GPHN: variants seen among roughly 807,000 people sequenced by gnomAD.
GPHN encodes the protein gephyrin.
In GPHN, 17 loss-of-function variants were observed where a neutral mutation model predicts 95.5. The ratio of observed to expected loss-of-function variants is 0.18; its 90% confidence interval spans 0.12 to 0.27. GPHN has a LOEUF of 0.27. Ranked by LOEUF, GPHN falls within the 10% of genes least tolerant of loss-of-function variation. The pLI, the probability that GPHN is intolerant of heterozygous loss-of-function variation, is 1.00. For synonymous variants in GPHN, 320 were observed against 322.5 expected (o/e 0.99, Z 0.08); for missense variants, 660 against 978.1 (o/e 0.67, Z 4.34).
the GPHN span, chr14:67,208,504 G>C: frequency 2.2e-5 from 34 of 1,561,768 alleles, no homozygotes; most frequent in Non-Finnish European, 2.8e-5. Flanking sequence ...TATTAATAAA[G>C]AAATATGTGC....
At chr14:67,199,763 C>T in the GPHN span, 2 of 1,539,728 alleles carry the variant, frequency 1.3e-6, no homozygotes, top group Non-Finnish European at 1.8e-6. Flanking sequence ...GCTTCCTCCA[C>T]CAGGCATGCC....
intron 3 of GPHN, among the ~76,000 whole-genome samples, chr14:66,788,068 T>G (rs2153469001): frequency 6.6e-6 from 1 of 152,098 alleles, no homozygotes; most frequent in East Asian, 1.9e-4. Flanking sequence ...AGTGGCACAG[T>G]CCTGTAATCC....
At chr14:66,942,717 G>A (rs987026180) in intron 8 of GPHN, among the ~76,000 whole-genome samples, 10 of 152,110 alleles carry the variant, frequency 6.6e-5, no homozygotes, top group African/African-American at 1.7e-4. Flanking sequence ...ATTAAACACC[G>A]TTTGGCAATC....
intron 4 of GPHN, among the ~76,000 whole-genome samples, chr14:66,835,475 C>G (rs2061759812): frequency 6.6e-6 from 1 of 151,834 alleles, no homozygotes; most frequent in Non-Finnish European, 1.5e-5. Flanking sequence ...TATGACAAAC[C>G]CACAGCCAAT....
At chr14:67,332,281 A>G in the GPHN span, among the ~76,000 whole-genome samples, 1 of 152,208 alleles carries the variant, frequency 6.6e-6, no homozygotes, top group Non-Finnish European at 1.5e-5. Flanking sequence ...TACTCTATAT[A>G]GTTTCCCAAA....
At chr14:67,192,908 A>G in the GPHN span, among the ~76,000 whole-genome samples, 2 of 145,478 alleles carry the variant, frequency 1.4e-5, no homozygotes, top group Non-Finnish European at 3.0e-5. Flanking sequence ...ATCTAGATAT[A>G]TATAGATATA....
chr14:67,044,112 G>A (rs1594914648), intron 10 of GPHN, among the ~76,000 whole-genome samples: 1 of 151,974 alleles, frequency 6.6e-6, no homozygotes, highest in Admixed American at 6.6e-5. Context: ...TGAGGTGGGT[G>A]GATTACCTGA....
the GPHN span, among the ~76,000 whole-genome samples, chr14:67,706,625 G>A: frequency 6.6e-6 from 1 of 152,212 alleles, no homozygotes. Flanking sequence ...GAGGCAATCA[G>A]ATACGCATTT....
At chr14:67,367,791 G>A in the GPHN span, among the ~76,000 whole-genome samples, 1 of 151,562 alleles carries the variant, frequency 6.6e-6, no homozygotes, top group Non-Finnish European at 1.5e-5. Flanking sequence ...AGCCAAGATT[G>A]CACCGCTGCA....
chr14:66,851,310 T>C (rs1315140666), intron 4 of GPHN, among the ~76,000 whole-genome samples: 2 of 152,036 alleles, frequency 1.3e-5, no homozygotes, highest in Non-Finnish European at 2.9e-5. Context: ...AATCCTCAAG[T>C]GTAACTACAA....
the GPHN span, among the ~76,000 whole-genome samples, chr14:67,591,062 T>G: frequency 6.6e-6 from 1 of 152,120 alleles, no homozygotes; most frequent in South Asian, 2.1e-4. Flanking sequence ...GTGCACTACC[T>G]AAAATATATA....
chr14:66,948,057 G>T (rs2067865940), intron 8 of GPHN, among the ~76,000 whole-genome samples: 1 of 152,094 alleles, frequency 6.6e-6, no homozygotes, highest in Non-Finnish European at 1.5e-5. Context: ...TGATAATAGA[G>T]AATCATTTTT....
intron 17 of GPHN, among the ~76,000 whole-genome samples, chr14:67,131,069 G>A (rs2079671519): frequency 6.6e-6 from 1 of 152,120 alleles, no homozygotes; most frequent in Non-Finnish European, 1.5e-5. Flanking sequence ...AGCTACTGTA[G>A]GGGAAGAGTT....
intron 4 of GPHN, among the ~76,000 whole-genome samples, chr14:66,833,135 G>A (rs905462960): frequency 6.6e-6 from 1 of 152,124 alleles, no homozygotes; most frequent in African/African-American, 2.4e-5. Context: ...ACACAAGTCT[G>A]GGTAATTTGT....
chr14:66,986,421 T>C (rs1421542309), intron 9 of GPHN, among the ~76,000 whole-genome samples: 2 of 152,232 alleles, frequency 1.3e-5, no homozygotes, highest in East Asian at 3.9e-4. Context: ...TAATATACAA[T>C]TGAAAGATTT....
intron 4 of GPHN, among the ~76,000 whole-genome samples, chr14:66,832,971 C>T (rs1035031191): frequency 2.6e-5 from 4 of 152,234 alleles, no homozygotes; most frequent in African/African-American, 9.6e-5. Flanking sequence ...AACATAAAAT[C>T]TTTCTGGCTA....
chr14:66,549,641 C>A (rs2059742520), intron 1 of GPHN, among the ~76,000 whole-genome samples: 1 of 152,038 alleles, frequency 6.6e-6, no homozygotes, highest in Non-Finnish European at 1.5e-5. Context: ...GGCTACGAAA[C>A]TACAGATTTT....
intron 8 of GPHN, among the ~76,000 whole-genome samples, chr14:66,949,038 T>G (rs376862467): frequency 6.6e-6 from 1 of 152,244 alleles, no homozygotes; most frequent in South Asian, 2.1e-4. Flanking sequence ...ATATATTTTC[T>G]GATATAACCC....
the GPHN span, among the ~76,000 whole-genome samples, chr14:67,268,900 C>T: frequency 2.0e-5 from 3 of 152,158 alleles, no homozygotes; most frequent in Admixed American, 6.5e-5. Context: ...GTTCAAACCC[C>T]TCTGACACAT....
Sources: allele counts gnomAD v4.1 joint callset (sites outside exome capture counted in the v4.1 genomes callset), GRCh38; gene constraint gnomAD v4.1.1; transcripts MANE v1.5; gene names NCBI Gene and HGNC (gene_info 2026-07-23, HGNC 2026-07-21).